The following PDZRN3 variants were observed in gnomAD, a reference collection of about 807,000 sequenced individuals.
PDZRN3 encodes the protein E3 ubiquitin-protein ligase PDZRN3.
PDZRN3 carries 38 observed loss-of-function variants against 85.7 expected under a neutral mutation model. The observed-to-expected ratio is 0.44, with a 90% CI of 0.34 to 0.58. The LOEUF is 0.58. Among genes scored for constraint, PDZRN3 ranks in the 20% least tolerant of loss-of-function variants. PDZRN3 has a pLI of 0.01. For missense variants in PDZRN3, 1,629 were observed against 1,506.4 expected, an observed-to-expected ratio of 1.08 and a Z score of -1.35; for synonymous variants, 759 against 638.0, an observed-to-expected ratio of 1.19 and a Z score of -2.86.
intron 3 of PDZRN3, among the ~76,000 whole-genome samples, chr3:73,449,282 T>A (rs1427058126): frequency 6.6e-6 from 1 of 152,084 alleles, no homozygotes; most frequent in African/African-American, 2.4e-5. Context: ...AGGAACTCCA[T>A]GGCCTGGCAT....
chr3:73,538,945 T>C (rs55874410), intron 3 of PDZRN3, among the ~76,000 whole-genome samples: 2,506 of 152,234 alleles, frequency 0.016, 60 homozygotes, highest in African/African-American at 0.054. Flanking sequence ...CAAGAGTACA[T>C]TGATCAAACT....
chr3:73,521,093 C>T lies in PDZRN3; in HGVS notation c.918+81261G>A, dbSNP rs548996436. 6.2e-4 allele frequency among the ~76,000 whole-genome samples: 95 copies of T among 152,212 alleles called. 1 individual carries two copies. Among genetic ancestry groups the T allele is most frequent in the African/African-American group, 2.1e-3 (88 of 41,536 alleles). ...AGCCCAGGATTTAATTCAAGTGAGA[C>T]GTGTCAGCAAGAGAAAAAGGAGGAG... On this transcript the variant is annotated intron_variant, in intron 3 of 9. Transcript: ENST00000263666.
At chr3:73,568,994 A>G (rs1384278421) in intron 3 of PDZRN3, among the ~76,000 whole-genome samples, 1 of 152,172 alleles carries the variant, frequency 6.6e-6, no homozygotes, top group Non-Finnish European at 1.5e-5. Flanking sequence ...TCTGCCCTTT[A>G]TCTCTCAGGA....
chr3:73,618,731 C>T (rs1310874176), intron 1 of PDZRN3, among the ~76,000 whole-genome samples: 1 of 152,240 alleles, frequency 6.6e-6, no homozygotes, highest in African/African-American at 2.4e-5. Flanking sequence ...CAAATCTCAA[C>T]AGAATTGCCA....
intron 3 of PDZRN3, among the ~76,000 whole-genome samples, chr3:73,405,055 A>G (rs1035047343): frequency 6.6e-6 from 1 of 152,164 alleles, no homozygotes; most frequent in African/African-American, 2.4e-5. Context: ...TTGAGTGACT[A>G]CTGTCTGCTG....
At chr3:73,622,296 C>T (rs972870308) in intron 1 of PDZRN3, among the ~76,000 whole-genome samples, 6 of 152,118 alleles carry the variant, frequency 3.9e-5, no homozygotes, top group Non-Finnish European at 2.9e-5. Flanking sequence ...GGGGCCAGGT[C>T]GGAAAACTTG....
Position 73,486,117 on chromosome 3 carries a change from C to T in PDZRN3, c.919-81722G>A, listed in dbSNP as rs74678564. The stretch of plus-strand genomic sequence containing the variant: ...GCTGACAGGAAGCTGGGAAAGAGCA[C>T]GCTGCAAGAAGAGACTGCATAGTGA... On this transcript the variant is annotated intron_variant, in intron 3 of 9. Coordinates refer to ENST00000263666, the MANE Select transcript of PDZRN3 (RefSeq NM_015009.3). 3.5e-4 allele frequency among the ~76,000 whole-genome samples: 54 copies of T among 152,234 alleles called. 2 individuals carry two copies. The East Asian group carries it at 9.7e-3, about 27-fold the overall frequency.
intron 7 of PDZRN3, among the ~76,000 whole-genome samples, chr3:73,388,741 G>C (rs1701453225): frequency 1.3e-5 from 2 of 151,892 alleles, no homozygotes; most frequent in African/African-American, 4.8e-5. Context: ...CCTTACACTA[G>C]TGAGCCAACA....
intron 3 of PDZRN3, among the ~76,000 whole-genome samples, chr3:73,578,023 C>T (rs1342770325): frequency 6.6e-6 from 1 of 152,244 alleles, no homozygotes; most frequent in African/African-American, 2.4e-5. Flanking sequence ...CGGCCCTTTA[C>T]AGAAGTTTGC....
intron 3 of PDZRN3, among the ~76,000 whole-genome samples, chr3:73,596,596 C>T (rs1702433823): frequency 6.6e-6 from 1 of 152,202 alleles, no homozygotes; most frequent in African/African-American, 2.4e-5. Flanking sequence ...GCTATCACTT[C>T]TGTGGTATTC....
Position 73,602,463 on chromosome 3 carries a change from T to G in PDZRN3, c.811-2A>C. 2 of 1,409,802 alleles carry G rather than the reference T, an allele frequency of 1.4e-6. No individual in the cohort carries two copies. The highest frequency in any genetic ancestry group is 1.9e-6 in the Non-Finnish European group (2 of 1,056,426). 87.3% of individuals were successfully genotyped at this position (1,409,802 alleles called of 1,614,324 possible). On this transcript the variant is annotated splice_acceptor_variant, in intron 2 of 9. Coordinates refer to ENST00000263666, the MANE Select transcript of PDZRN3 (RefSeq NM_015009.3). LOFTEE classifies it high-confidence loss of function. ...ACTGGATGATCCATCGTGGTTATCCTTTGGGTTAAAAAAAAAAACATGCAT... is the reference window on the plus strand; with the variant it reads ...ACTGGATGATCCATCGTGGTTATCCGTTGGGTTAAAAAAAAAAACATGCAT...
At chr3:73,488,625 G>C (rs1028233310) in intron 3 of PDZRN3, among the ~76,000 whole-genome samples, 1 of 152,186 alleles carries the variant, frequency 6.6e-6, no homozygotes, top group Admixed American at 6.5e-5. Flanking sequence ...CTTTGTTTAT[G>C]TCTTACTTAG....
chr3:73,624,019 C>G lies in PDZRN3; in HGVS notation c.723+84G>C. On this transcript the variant is annotated intron_variant, in intron 1 of 9. Coordinates refer to ENST00000263666, the MANE Select transcript of PDZRN3 (RefSeq NM_015009.3). The stretch of plus-strand genomic sequence containing the variant: ...AAGGATGTTCCCGGGAAGCTCGGGG[C>G]ATCCCTGTACCCAAAGGGATGGGGC... 4 of 1,261,292 alleles carry G rather than the reference C, an allele frequency of 3.2e-6. No homozygotes were observed. The South Asian group carries it at 7.2e-5, about 23-fold the overall frequency. 78.1% of individuals were successfully genotyped at this position (1,261,292 alleles called of 1,614,324 possible).
intron 5 of PDZRN3, among the ~76,000 whole-genome samples, chr3:73,398,153 G>C (rs1483452116): frequency 6.6e-6 from 1 of 152,198 alleles, no homozygotes; most frequent in African/African-American, 2.4e-5. Flanking sequence ...CGTTGTGTCT[G>C]CTTTTATTCA....
At position 73,383,472 on chromosome 3, in the gene PDZRN3, T is replaced by G. The variant is rs759845216; in HGVS notation, c.3094A>C (p.Lys1032Gln). 6.2e-7 allele frequency: 1 copy of G among 1,614,206 alleles called. No homozygotes were observed. The highest frequency in any genetic ancestry group is 1.1e-5 in the South Asian group (1 of 91,084). The change falls in exon 10 of 10, where the codon AAA (lysine) becomes CAA (glutamine). Residue 1032 changes from lysine to glutamine, a missense_variant. Lys to Gln is a moderately conservative substitution (Grantham distance 53). Coordinates refer to ENST00000263666, the MANE Select transcript of PDZRN3 (RefSeq NM_015009.3). ...ATCGTCATCCAGTTATCGAAGATTT[T>G]CTTATTCCTCTTCTTCATCATCTTT... ...HKKMMKKRNK[K>Q]IFDNWMTIQE...
chr3:73,402,679 C>T (rs1701772705), intron 4 of PDZRN3, among the ~76,000 whole-genome samples: 2 of 152,156 alleles, frequency 1.3e-5, no homozygotes, highest in African/African-American at 4.8e-5. Flanking sequence ...CCACTAAGAC[C>T]AAGGGATGAA....
At position 73,531,504 on chromosome 3, in the gene PDZRN3, T is replaced by C. The variant is rs551803060; in HGVS notation, c.918+70850A>G. ...ATCTATCACTGTGCTCCATGGCTGG[T>C]TATAGTGGCTGATCTTTCTGCCTGA... On this transcript the variant is annotated intron_variant, in intron 3 of 9. Transcript: ENST00000263666. Among the ~76,000 whole-genome samples, 255 of 152,264 alleles carry C rather than the reference T, an allele frequency of 1.7e-3. 3 individuals carry two copies. The highest frequency in any genetic ancestry group is 1.9e-3 in the Non-Finnish European group (132 of 68,006).
chr3:73,609,172 T>C (rs1702646489), intron 1 of PDZRN3, among the ~76,000 whole-genome samples: 1 of 151,892 alleles, frequency 6.6e-6, no homozygotes, highest in South Asian at 2.1e-4. Flanking sequence ...TGGGGAAAAA[T>C]AGTGCATGAA....
At chr3:73,585,851 T>A (rs965141365) in intron 3 of PDZRN3, among the ~76,000 whole-genome samples, 2 of 152,158 alleles carry the variant, frequency 1.3e-5, no homozygotes, top group East Asian at 1.9e-4. Context: ...TGACCAATGT[T>A]AAATATTTTC....
Sources: allele counts gnomAD v4.1 joint callset (sites outside exome capture counted in the v4.1 genomes callset), GRCh38; gene constraint gnomAD v4.1.1; transcripts MANE v1.5; gene names NCBI Gene and HGNC (gene_info 2026-07-23, HGNC 2026-07-21).